CMSS1: variants seen among roughly 807,000 people sequenced by gnomAD.
CMSS1 encodes the protein cms1 ribosomal small subunit homolog.
Under a neutral mutation model 43.5 loss-of-function variants are expected in CMSS1, and 33 were observed. That is an observed-to-expected ratio of 0.76 (90% CI 0.57 to 1.01). The LOEUF (loss-of-function observed/expected upper bound fraction) is 1.01. Among genes scored for constraint, CMSS1 ranks in the 50% least tolerant of loss-of-function variants. The pLI is 0.00. For missense variants in CMSS1, 313 were observed against 326.4 expected, an observed-to-expected ratio of 0.96 and a Z score of 0.32; for synonymous variants, 115 against 117.2, an observed-to-expected ratio of 0.98 and a Z score of 0.12.
intron 1 of CMSS1, among the ~76,000 whole-genome samples, chr3:99,916,300 T>A (rs1338021866): frequency 6.6e-6 from 1 of 152,182 alleles, no homozygotes; most frequent in African/African-American, 2.4e-5. Flanking sequence ...GAATAGAATC[T>A]ACACCATTGA....
intron 1 of CMSS1, among the ~76,000 whole-genome samples, chr3:100,096,878 C>G (rs191728608): frequency 2.6e-4 from 40 of 152,066 alleles, no homozygotes; most frequent in Admixed American, 2.4e-3. Context: ...TCATATACCC[C>G]ATAAATATAT....
chr3:99,965,910 C>G (rs565127610), intron 1 of CMSS1, among the ~76,000 whole-genome samples: 1 of 152,188 alleles, frequency 6.6e-6, no homozygotes, highest in Admixed American at 6.5e-5. Context: ...CATTTCTGTA[C>G]ATAAGGCAGT....
At chr3:100,114,834 A>C (rs1462794291) in intron 1 of CMSS1, 4 of 674,308 alleles carry the variant, frequency 5.9e-6, no homozygotes, top group Non-Finnish European at 1.0e-5. Context: ...TAACAAGGGC[A>C]TGACCCCTTC....
intron 1 of CMSS1, among the ~76,000 whole-genome samples, chr3:100,019,704 A>G (rs1348996597): frequency 2.0e-5 from 3 of 152,204 alleles, no homozygotes; most frequent in Non-Finnish European, 2.9e-5. Flanking sequence ...GTATGAATGT[A>G]TGCTGATGTA....
intron 1 of CMSS1, 80 bp from the exon 2 acceptor site, chr3:100,146,893 C>G (rs1050371333): frequency 1.8e-5 from 28 of 1,521,842 alleles, no homozygotes; most frequent in Admixed American, 1.0e-4. Context: ...GAGATAGAAC[C>G]TTCTAGAAAG....
chr3:99,983,233 A>G (rs1471501077), intron 1 of CMSS1, among the ~76,000 whole-genome samples: 1 of 151,406 alleles, frequency 6.6e-6, no homozygotes, highest in African/African-American at 2.4e-5. Flanking sequence ...TAGCACTGAT[A>G]TAAAGAAATG....
intron 1 of CMSS1, among the ~76,000 whole-genome samples, chr3:99,999,059 T>C (rs1273759218): frequency 6.6e-6 from 1 of 152,236 alleles, no homozygotes; most frequent in Non-Finnish European, 1.5e-5. Flanking sequence ...TAGGCACTTG[T>C]ACTATGTACC....
chr3:100,153,390 A>G (rs2066939601), intron 2 of CMSS1, among the ~76,000 whole-genome samples: 1 of 152,158 alleles, frequency 6.6e-6, no homozygotes, highest in Non-Finnish European at 1.5e-5. Flanking sequence ...ACTTCTTTTT[A>G]TCGCTGAGCA....
chr3:99,979,817 T>C (rs375841565), intron 1 of CMSS1, among the ~76,000 whole-genome samples: 48 of 152,286 alleles, frequency 3.2e-4, no homozygotes, highest in African/African-American at 1.2e-3. Flanking sequence ...GGGCACAATT[T>C]AGTTGGGAGA....
intron 1 of CMSS1, among the ~76,000 whole-genome samples, chr3:99,868,483 G>T (rs1423394358): frequency 6.6e-6 from 1 of 152,180 alleles, no homozygotes; most frequent in Non-Finnish European, 1.5e-5. Flanking sequence ...GGATAGACTA[G>T]CATAACCAGA....
chr3:99,936,236 A>G (rs1707662613), intron 1 of CMSS1, among the ~76,000 whole-genome samples: 3 of 152,160 alleles, frequency 2.0e-5, no homozygotes, highest in African/African-American at 7.2e-5. Flanking sequence ...AACTACTCCA[A>G]TTTAGAGAAA....
chr3:100,173,844 C>T (rs1372819387), intron 8 of CMSS1, among the ~76,000 whole-genome samples: 5 of 152,140 alleles, frequency 3.3e-5, no homozygotes, highest in African/African-American at 9.7e-5. Flanking sequence ...ATTCAAATCC[C>T]AGGTCTAGCA....
At chr3:99,998,387 A>C (rs1709742437) in intron 1 of CMSS1, among the ~76,000 whole-genome samples, 1 of 152,194 alleles carries the variant, frequency 6.6e-6, no homozygotes, top group Non-Finnish European at 1.5e-5. Flanking sequence ...CATGTGTTTA[A>C]ATGTTTGTAT....
At chr3:99,849,897 T>C in intron 1 of CMSS1, 2 of 1,612,150 alleles carry the variant, frequency 1.2e-6, no homozygotes, top group Non-Finnish European at 1.7e-6. Flanking sequence ...CTTCCAATGA[T>C]TGAAGCCTAT....
At position 100,159,747 on chromosome 3, in the gene CMSS1, G is replaced by A. The variant is rs139845175; in HGVS notation, c.154-683G>A. 5.2e-3 allele frequency: 1,380 copies of A among 264,386 alleles called. 7 individuals are homozygous for A. Among genetic ancestry groups the A allele is most frequent in the South Asian group, 6.7e-3 (165 of 24,526 alleles). The allele number at this position is 264,386 out of a possible 1,614,324, so 16.4% of individuals were successfully genotyped here. On this transcript the variant is annotated intron_variant, in intron 2 of 9. Transcript: ENST00000421999. Reference sequence around the variant, plus strand: ...TCCTGTTTTTCTACATTAGAAAAAAGCCCTCAGGGTAAAAATAGTACTAAA... The same window carrying A: ...TCCTGTTTTTCTACATTAGAAAAAAACCCTCAGGGTAAAAATAGTACTAAA...
At chr3:100,170,489 C>A (rs1279463548) in intron 6 of CMSS1, among the ~76,000 whole-genome samples, 6 of 152,194 alleles carry the variant, frequency 3.9e-5, no homozygotes. Flanking sequence ...CCTGCACTTT[C>A]CAACAGCCAG....
Position 100,139,883 on chromosome 3 carries a change from C to CAGTGTAGTT in CMSS1, c.65-7090_65-7089insAGTGTAGTT, listed in dbSNP as rs1241235407. ...GCCATTTCCATTTGTTTATACACTG[C>CAGTGTAGTT]CTAGGGCAGTGTATAAATTAGAACA... On this transcript the variant is annotated intron_variant, in intron 1 of 9. Transcript: ENST00000421999. Among the ~76,000 whole-genome samples the CAGTGTAGTT allele has an allele frequency of 1.4e-3, 205 of 151,228 alleles. 2 individuals carry two copies. Among genetic ancestry groups the CAGTGTAGTT allele is most frequent in the African/African-American group, 4.7e-3 (192 of 41,266 alleles).
chr3:100,089,338 A>T (rs2066065166), intron 1 of CMSS1, among the ~76,000 whole-genome samples: 1 of 152,190 alleles, frequency 6.6e-6, no homozygotes, highest in African/African-American at 2.4e-5. Context: ...CACAAGCAAA[A>T]CCATCCAGAG....
At chr3:99,837,011 T>C (rs777377815) in intron 1 of CMSS1, among the ~76,000 whole-genome samples, 1 of 152,176 alleles carries the variant, frequency 6.6e-6, no homozygotes, top group Non-Finnish European at 1.5e-5. Flanking sequence ...AGGTTTGGCC[T>C]AAAAAAATAG....
Sources: allele counts gnomAD v4.1 joint callset (sites outside exome capture counted in the v4.1 genomes callset), GRCh38; gene constraint gnomAD v4.1.1; transcripts MANE v1.5; gene names NCBI Gene and HGNC (gene_info 2026-07-23, HGNC 2026-07-21).